The following RBM27 variants were observed in gnomAD, a reference collection of about 807,000 sequenced individuals.
The protein encoded by RBM27 is RNA-binding protein 27.
Under a neutral mutation model 135.3 loss-of-function variants are expected in RBM27, and 22 were observed. That is an observed-to-expected ratio of 0.16 (90% CI 0.12 to 0.23). The LOEUF is 0.23. Among genes scored for constraint, RBM27 ranks in the 10% least tolerant of loss-of-function variants. The pLI is 1.00. For missense variants in RBM27, 1,009 were observed against 1,281.0 expected, an observed-to-expected ratio of 0.79 and a Z score of 3.24; for synonymous variants, 481 against 442.4, an observed-to-expected ratio of 1.09 and a Z score of -1.10.
intron 19 of RBM27, among the ~76,000 whole-genome samples, chr5:146,275,660 G>T (rs1759065200): frequency 6.6e-6 from 1 of 152,116 alleles, no homozygotes; most frequent in Non-Finnish European, 1.5e-5. Context: ...TGAAGTTAAT[G>T]TTAAGTATTT....
At chr5:146,282,911 G>A (rs925413915) in intron 19 of RBM27, among the ~76,000 whole-genome samples, 6 of 152,120 alleles carry the variant, frequency 3.9e-5, no homozygotes, top group Admixed American at 3.9e-4. Flanking sequence ...TTTGTTGTAA[G>A]TTAGATAGTA....
chr5:146,215,131 CCTCTGCCTCCCAGG>C (rs1756135549), intron 1 of RBM27, among the ~76,000 whole-genome samples: 1 of 152,144 alleles, frequency 6.6e-6, no homozygotes, highest in African/African-American at 2.4e-5. Context: ...CTTGCTGCAA[CCTCTGCCTCCCAGG>C]CTCAAGCAGT....
In RBM27 at chr5:146,203,925, C is replaced by T. The variant is rs920667818; in HGVS notation, c.59+101C>T. 6.8e-6 allele frequency: 8 copies of T among 1,176,124 alleles called. No homozygotes were observed. In the East Asian group the frequency reaches 1.1e-4, roughly 16 times the overall value. 72.9% of individuals were successfully genotyped at this position (1,176,124 alleles called of 1,614,324 possible). ...GGCGTGGGGGGCGGCGCTGAGGGGC[C>T]GCGGCCGGGAGGTCCCGGCGACGCC... On this transcript the variant is annotated intron_variant, in intron 1 of 20. Coordinates refer to ENST00000265271, the MANE Select transcript of RBM27 (RefSeq NM_018989.2).
intron 10 of RBM27, among the ~76,000 whole-genome samples, chr5:146,257,915 C>T (rs1758185493): frequency 6.6e-6 from 1 of 151,948 alleles, no homozygotes; most frequent in Admixed American, 6.6e-5. Flanking sequence ...CTCCTGGGTT[C>T]AAGCGATTCT....
rs1561577097 is a variant in RBM27 at position 146,287,880 on chromosome 5, A to G, written c.*1850A>G. 1 of 152,120 alleles carries G rather than the reference A, an allele frequency of 6.6e-6. No individual in the cohort carries two copies. The highest frequency in any genetic ancestry group is 1.5e-5 in the Non-Finnish European group (1 of 67,986). 9.4% of individuals were successfully genotyped at this position (152,120 alleles called of 1,614,324 possible). A position where few individuals can be genotyped will look rare whatever the true frequency, so the allele number is the denominator to read the frequency against. ...ACACAATCTTGCTCCTTACTCCTCC[A>G]TCATCTCTAATGAAATTTTTCTTGA... is the stretch of plus-strand genomic sequence containing the variant. On this transcript the variant is annotated 3_prime_UTR_variant, in exon 21 of 21. Transcript: ENST00000265271.
intron 8 of RBM27, among the ~76,000 whole-genome samples, chr5:146,242,190 TC>T (rs1221600082): frequency 6.6e-6 from 1 of 152,186 alleles, no homozygotes; most frequent in Non-Finnish European, 1.5e-5. Context: ...TGCCTTGGCC[TC>T]CCAAAGTGGG....
chr5:146,268,493 C>G (rs747912594), intron 15 of RBM27, among the ~76,000 whole-genome samples: 1 of 152,136 alleles, frequency 6.6e-6, no homozygotes, highest in Non-Finnish European at 1.5e-5. Context: ...CCACCTGCCT[C>G]GGCTTCCCAA....
intron 2 of RBM27, among the ~76,000 whole-genome samples, chr5:146,221,616 T>C (rs1487291144): frequency 6.6e-6 from 1 of 152,128 alleles, no homozygotes; most frequent in Non-Finnish European, 1.5e-5. Context: ...GTATTTTTAG[T>C]AGACAGGGTT....
chr5:146,264,163 G>T (rs1323160755), intron 14 of RBM27, among the ~76,000 whole-genome samples: 2 of 151,764 alleles, frequency 1.3e-5, no homozygotes, highest in Non-Finnish European at 2.9e-5. Flanking sequence ...GAGAATTTTA[G>T]ATATTTATTT....
intron 19 of RBM27, among the ~76,000 whole-genome samples, chr5:146,274,352 G>T (rs549688884): frequency 6.6e-6 from 1 of 151,972 alleles, no homozygotes; most frequent in East Asian, 1.9e-4. Context: ...TGCCTCCTGG[G>T]TTCAAGCGAT....
At chr5:146,250,770 C>CT (rs58027855) in intron 8 of RBM27, among the ~76,000 whole-genome samples, 5,638 of 72,862 alleles carry the variant, frequency 0.077, 67 homozygotes, top group African/African-American at 0.09. Context: ...TTTTTTTGTC[C>CT]TTTTTTTTTT....
In RBM27 at chr5:146,251,810, G is replaced by T; in HGVS notation, c.1379G>T (p.Arg460Leu). 6.2e-7 allele frequency: 1 copy of T among 1,613,986 alleles called. No individual in the cohort carries two copies. Among genetic ancestry groups the T allele is most frequent in the Non-Finnish European group, 8.5e-7 (1 of 1,179,976 alleles). The change falls in exon 9 of 21, where the codon CGA becomes CTA. Residue 460 changes from arginine (R) to leucine (L), a missense_variant. By Grantham distance (102) the Arg-to-Leu change is moderately radical. Around this residue, in one of 6 missense-constraint regions of RBM27, gnomAD observed 329 missense variants for 368.1 expected, o/e 0.89. Coordinates refer to ENST00000265271, the MANE Select transcript of RBM27 (RefSeq NM_018989.2). ...PLLAARLVPP[R>L]NLMGSSIGYH... ...TTGGCAGCTCGTTTGGTGCCACCTCGAAACCTCATGGGATCCTCCATTGGA... is the reference window on the plus strand; with the variant it reads ...TTGGCAGCTCGTTTGGTGCCACCTCTAAACCTCATGGGATCCTCCATTGGA...
chr5:146,228,440 C>T (rs942839718), intron 3 of RBM27, among the ~76,000 whole-genome samples: 2 of 151,844 alleles, frequency 1.3e-5, no homozygotes, highest in African/African-American at 2.4e-5. Context: ...TGCCACCACA[C>T]GTGGCTAATT....
intron 9 of RBM27, among the ~76,000 whole-genome samples, chr5:146,252,765 A>G (rs1757952067): frequency 6.6e-6 from 1 of 152,152 alleles, no homozygotes; most frequent in African/African-American, 2.4e-5. Context: ...ACTATGTTAG[A>G]TTTACTTTTA....
At chr5:146,283,848 G>T (rs1366325463) in intron 19 of RBM27, among the ~76,000 whole-genome samples, 1 of 152,102 alleles carries the variant, frequency 6.6e-6, no homozygotes, top group African/African-American at 2.4e-5. Flanking sequence ...AAATAAAAAA[G>T]AATCTCTTCT....
At chr5:146,285,220 A>G (rs1378742904) in intron 20 of RBM27, among the ~76,000 whole-genome samples, 2 of 152,166 alleles carry the variant, frequency 1.3e-5, no homozygotes, top group African/African-American at 4.8e-5. Context: ...TTCTTAAAAT[A>G]TATGAGAATT....
chr5:146,271,358 C>T, intron 18 of RBM27, 125 bp from the exon 19 acceptor site: 1 of 868,942 alleles, frequency 1.2e-6, no homozygotes, highest in Non-Finnish European at 1.7e-6. Flanking sequence ...CGAGATCGTG[C>T]CATTGCACTC....
chr5:146,245,928 G>C (rs889338050), intron 8 of RBM27, among the ~76,000 whole-genome samples: 2 of 152,174 alleles, frequency 1.3e-5, no homozygotes, highest in Non-Finnish European at 2.9e-5. Context: ...GGGACTGCTG[G>C]TCTAGAGGCT....
At chr5:146,252,655 T>C (rs944431620) in intron 9 of RBM27, among the ~76,000 whole-genome samples, 10 of 152,354 alleles carry the variant, frequency 6.6e-5, no homozygotes, top group African/African-American at 2.4e-4. Context: ...GTATGTTATA[T>C]TGCATGTAAT....
Sources: allele counts gnomAD v4.1 joint callset (sites outside exome capture counted in the v4.1 genomes callset), GRCh38; gene constraint gnomAD v4.1.1; regional missense constraint gnomAD v4.1.1; transcripts MANE v1.5; gene names NCBI Gene and HGNC (gene_info 2026-07-23, HGNC 2026-07-21).